Variants in CACNA1S observed in about 807,000 individuals in gnomAD.
CACNA1S encodes calcium voltage-gated channel subunit alpha1 S, also known as voltage-dependent L-type calcium channel subunit alpha-1S.
A neutral mutation model predicts 207.4 loss-of-function variants in CACNA1S; 126 were observed. The ratio of observed to expected loss-of-function variants is 0.61; its 90% CI spans 0.53 to 0.70. CACNA1S has a LOEUF of 0.70. Ranked by LOEUF, CACNA1S falls within the 30% of genes least tolerant of loss-of-function variation. The pLI, the probability that CACNA1S is intolerant of heterozygous loss-of-function variation, is 0.00. For missense variants in CACNA1S, 2,349 were observed against 2,422.8 expected, an observed-to-expected ratio of 0.97 and a Z score of 0.64; for synonymous variants, 960 against 932.7, an observed-to-expected ratio of 1.03 and a Z score of -0.53.
chr1:201,106,922 G>A (rs1662915922), intron 2 of CACNA1S, among the ~76,000 whole-genome samples: 1 of 152,224 alleles, frequency 6.6e-6, no homozygotes. Context: ...ATGGACTGCA[G>A]CAATGTCAGC....
In CACNA1S at chr1:201,041,606, G is replaced by C. The variant is rs750638681; in HGVS notation, c.5049-17C>G. ...TAGTGGACACTGAAATGGAAGCAAGGCTGGGTGAACCAGAGAAGGCTGCTA... is the reference window on the plus strand; with the variant it reads ...TAGTGGACACTGAAATGGAAGCAAGCCTGGGTGAACCAGAGAAGGCTGCTA... On this transcript the variant is annotated splice_polypyrimidine_tract_variant and intron_variant, in intron 40 of 43. Coordinates refer to ENST00000362061, the MANE Select transcript of CACNA1S (RefSeq NM_000069.3). The C allele has an allele frequency of 2.5e-6, 4 of 1,589,622 alleles. No homozygotes were observed. The Admixed American group carries it at 6.7e-5, about 26-fold the overall frequency.
rs1232949843 is a variant in CACNA1S at position 201,051,141 on chromosome 1, C to T, written c.3956G>A (p.Cys1319Tyr). 4 of 1,614,098 alleles carry T rather than the reference C, an allele frequency of 2.5e-6. No homozygotes were observed. In the African/African-American group the frequency reaches 4.0e-5, roughly 16 times the overall value. ...FPQAVLLLFR[C>Y]ATGEAWQEIL... Reference sequence around the variant, plus strand: ...CTCCTGCCAGGCCTCACCTGTTGCACACCTAGAGGACAGAAGAGGCTCCTG... The same window carrying T: ...CTCCTGCCAGGCCTCACCTGTTGCATACCTAGAGGACAGAAGAGGCTCCTG... Residue 1319 changes from cysteine (C) to tyrosine (Y), a missense_variant and splice_region_variant, in exon 33 of 44, where the codon TGT becomes TAT. Cys to Tyr is a radical substitution (Grantham distance 194). Coordinates refer to ENST00000362061, the MANE Select transcript of CACNA1S (RefSeq NM_000069.3).
At chr1:201,095,427 A>C (rs2102169920) in intron 2 of CACNA1S, among the ~76,000 whole-genome samples, 1 of 152,198 alleles carries the variant, frequency 6.6e-6, no homozygotes, top group East Asian at 1.9e-4. Flanking sequence ...TCCATTAATG[A>C]TATGGAAGAT....
chr1:201,065,897 C>T lies in CACNA1S; in HGVS notation c.2794G>A (p.Val932Met), dbSNP rs373701906. 2.4e-5 allele frequency: 38 copies of T among 1,613,948 alleles called. No homozygotes were observed. In the East Asian group the frequency reaches 3.6e-4, roughly 15 times the overall value. Residue 932 changes from valine to methionine, a missense_variant, in exon 22 of 44, where the codon GTG (valine) becomes ATG (methionine). Coordinates refer to ENST00000362061, the MANE Select transcript of CACNA1S (RefSeq NM_000069.3). ...FVAISTIGNIVLVTTLLQFMF... is the reference protein window; with the variant it reads ...FVAISTIGNIMLVTTLLQFMF... Reference sequence around the variant, plus strand: ...AACTGTAGGAGGGTAGTGACCAGCACGATGTTCCCGATGGTGCTGATGGCC... The same window carrying T: ...AACTGTAGGAGGGTAGTGACCAGCATGATGTTCCCGATGGTGCTGATGGCC...
At chr1:201,069,662 C>T (rs565936474) in intron 17 of CACNA1S, 61 bp from the exon 18 acceptor site, 4 of 1,541,538 alleles carry the variant, frequency 2.6e-6, no homozygotes, top group East Asian at 2.5e-5. Flanking sequence ...CAGGCCTCAT[C>T]AGCCTCCATC....
intron 2 of CACNA1S, among the ~76,000 whole-genome samples, chr1:201,096,363 T>A (rs1662433723): frequency 6.6e-6 from 1 of 152,204 alleles, no homozygotes; most frequent in African/African-American, 2.4e-5. Flanking sequence ...TCTTGCATCA[T>A]AGGAACAGTG....
intron 2 of CACNA1S, among the ~76,000 whole-genome samples, chr1:201,103,989 G>GGCCCTGCCCTGCCCT (rs71872289): frequency 6.6e-6 from 1 of 151,996 alleles, no homozygotes; most frequent in Non-Finnish European, 1.5e-5. Context: ...GAGCTTGCCA[G>GGCCCTGCCCTGCCCT]GCCCTGCCCT....
rs757894743 is a variant in CACNA1S, at chr1:201,066,202, G to C, written c.2745+27C>G. 8.1e-6 allele frequency: 13 copies of C among 1,605,416 alleles called. No individual in the cohort carries two copies. The highest frequency in any genetic ancestry group is 1.0e-5 in the Non-Finnish European group (12 of 1,172,366). ...CCTGTAACCCCTCCCATTCCTCTCT[G>C]GGGCTCCTGCCCGGGCCCTCTCTCA... On this transcript the variant is annotated intron_variant, in intron 21 of 43. Coordinates refer to ENST00000362061, the MANE Select transcript of CACNA1S (RefSeq NM_000069.3). The surrounding 1 kb of genome is among the most constrained non-coding windows in gnomAD (Gnocchi z 4.3).
At position 201,096,079 on chromosome 1, in the gene CACNA1S, G is replaced by A. The variant is rs537515180; in HGVS notation, c.259-2058C>T. Among the ~76,000 whole-genome samples the A allele has an allele frequency of 2.0e-5, 3 of 152,342 alleles. No individual in the cohort carries two copies. The South Asian group carries it at 6.2e-4, about 32-fold the overall frequency. On this transcript the variant is annotated intron_variant, in intron 2 of 43. Transcript: ENST00000362061. ...AAATAGTTTCAGTGCTCACAGGCTG[G>A]GCGGCCAGCCATGAACACCGGAGAA...
At chr1:201,047,023 C>G in intron 38 of CACNA1S, 92 bp downstream of exon 38, 2 of 1,529,868 alleles carry the variant, frequency 1.3e-6, no homozygotes, top group South Asian at 2.3e-5. Flanking sequence ...ATGTCTCCAT[C>G]ATTGGCCCCT....
At chr1:201,111,348 C>A (rs1357895919) in intron 1 of CACNA1S, among the ~76,000 whole-genome samples, 2 of 152,160 alleles carry the variant, frequency 1.3e-5, no homozygotes, top group Admixed American at 6.5e-5. Flanking sequence ...TATGCCCCAC[C>A]CTCGCTCTCA....
chr1:201,106,792 C>A (rs903095456), intron 2 of CACNA1S, among the ~76,000 whole-genome samples: 2 of 152,200 alleles, frequency 1.3e-5, no homozygotes, highest in Admixed American at 1.3e-4. Context: ...AGACCCACCA[C>A]CTCAACCCAT....
chr1:201,050,107 T>A (rs914131247), intron 34 of CACNA1S, among the ~76,000 whole-genome samples: 13 of 152,030 alleles, frequency 8.6e-5, no homozygotes, highest in Admixed American at 7.2e-4. Flanking sequence ...TGATTTGGGG[T>A]CTAGAGTGTC....
chr1:201,084,303 C>T (rs1023605443), intron 9 of CACNA1S, among the ~76,000 whole-genome samples: 6 of 151,760 alleles, frequency 4.0e-5, no homozygotes, highest in South Asian at 2.1e-4. Flanking sequence ...AATCCTGGCA[C>T]GTGTGTGTGT....
intron 16 of CACNA1S, among the ~76,000 whole-genome samples, chr1:201,071,260 T>C (rs1661429813): frequency 6.6e-6 from 1 of 152,166 alleles, no homozygotes; most frequent in South Asian, 2.1e-4. Flanking sequence ...GTCTCCATCA[T>C]GGCCACCTGT....
chr1:201,072,869 C>T lies in CACNA1S; in HGVS notation c.2158-45G>A, dbSNP rs184918614. 1.3e-4 allele frequency: 196 copies of T among 1,497,062 alleles called. 1 individual carries two copies. The East Asian group carries it at 2.5e-3, about 19-fold the overall frequency. 92.7% of individuals were successfully genotyped at this position (1,497,062 alleles called of 1,614,324 possible). A position where few individuals can be genotyped will look rare whatever the true frequency, so the allele number is the denominator to read the frequency against. On this transcript the variant is annotated intron_variant, in intron 15 of 43. Transcript: ENST00000362061. ...GACTATAACAATGAAAAAGAAGTTGCGGTTTCCCCTCAATGAGCATATACT... is the reference window on the plus strand; with the variant it reads ...GACTATAACAATGAAAAAGAAGTTGTGGTTTCCCCTCAATGAGCATATACT...
At chr1:201,110,368 G>T in intron 1 of CACNA1S, 99 bp from the exon 2 acceptor site, 4 of 1,025,676 alleles carry the variant, frequency 3.9e-6, no homozygotes, top group Non-Finnish European at 4.6e-6. Flanking sequence ...TGACTCTGAT[G>T]CCAGGCTGCT....
Position 201,043,398 on chromosome 1 carries a change from A to G in CACNA1S, c.4931T>C (p.Leu1644Ser), listed in dbSNP as rs755221742. ...EMEEMESPVFLEDFPQDPRTN... is the reference protein window; with the variant it reads ...EMEEMESPVFSEDFPQDPRTN... ...GCGTGGATCTTGTGGGAAGTCCTCC[A>G]AGAAGACAGGTGACTCCATCTCTTC... The change falls in exon 40 of 44, where the codon TTG becomes TCG. Residue 1644 changes from leucine (L) to serine (S), a missense_variant. Physicochemically the swap from Leu to Ser is moderately radical, Grantham distance 145 (BLOSUM62 -2). Coordinates refer to ENST00000362061, the MANE Select transcript of CACNA1S (RefSeq NM_000069.3). The G allele has an allele frequency of 2.5e-6, 4 of 1,614,140 alleles. No homozygotes were observed. The highest frequency in any genetic ancestry group is 3.4e-6 in the Non-Finnish European group (4 of 1,180,030).
chr1:201,082,528 T>C (rs1056376544), intron 10 of CACNA1S, among the ~76,000 whole-genome samples: 1 of 152,220 alleles, frequency 6.6e-6, no homozygotes, highest in Admixed American at 6.5e-5. Flanking sequence ...AGGGCTTGTT[T>C]ACCTATCCTT....
Sources: gnomAD v4.1 joint callset for allele counts (sites outside exome capture counted in the v4.1 genomes callset) on GRCh38, gnomAD v4.1.1 for gene constraint, Gnocchi (gnomAD v3.1) non-coding constraint, MANE v1.5 for transcripts, NCBI Gene and HGNC (gene_info 2026-07-23, HGNC 2026-07-21) for gene names.